CD82: variants seen among roughly 807,000 people sequenced by gnomAD.
CD82 encodes CD82 molecule, also known as CD82 antigen.
Under a neutral mutation model 37.4 loss-of-function variants are expected in CD82, and 36 were observed. The observed-to-expected ratio is 0.96, with a 90% CI of 0.74 to 1.27. CD82 has a LOEUF of 1.27. CD82 is among the 50% of genes most tolerant of loss of function. The pLI, the probability that CD82 is intolerant of heterozygous loss-of-function variation, is 0.00. For missense variants in CD82, 340 were observed against 347.0 expected (o/e 0.98, Z 0.16); for synonymous variants, 158 against 137.4 (o/e 1.15, Z -1.05).
chr11:44,584,860 C>T (rs1760744465), intron 1 of CD82, among the ~76,000 whole-genome samples: 1 of 152,232 alleles, frequency 6.6e-6, no homozygotes, highest in South Asian at 2.1e-4. Flanking sequence ...CGTGGGTGAT[C>T]AGGACAAAGT....
intron 3 of CD82, chr11:44,594,998 A>T: frequency 2.0e-6 from 1 of 490,540 alleles, no homozygotes. Flanking sequence ...GGGTATGGGG[A>T]AGGAGAGGAG....
chr11:44,618,437 A>ATTCCTTCCTGCATTTAG, intron 8 of CD82, 72 bp downstream of exon 8: 1 of 1,341,664 alleles, frequency 7.5e-7, no homozygotes, highest in Non-Finnish European at 1.1e-6. Context: ...CTGCTCAGCA[A>ATTCCTTCCTGCATTTAG]TTCCTTCCTG....
intron 6 of CD82, among the ~76,000 whole-genome samples, chr11:44,610,678 A>G (rs1228422601): frequency 1.3e-5 from 2 of 152,088 alleles, no homozygotes; most frequent in African/African-American, 2.4e-5. Context: ...GCTGCTTTCT[A>G]TCTATGTGAT....
intron 3 of CD82, among the ~76,000 whole-genome samples, chr11:44,599,928 A>AG (rs969151364): frequency 6.6e-6 from 1 of 152,208 alleles, no homozygotes; most frequent in South Asian, 2.1e-4. Flanking sequence ...CACATGGTGG[A>AG]GGGGGGCAAG....
Position 44,619,230 on chromosome 11 carries a change from C to G in CD82, c.*104C>G, listed in dbSNP as rs916792094. The G allele has an allele frequency of 1.5e-5, 14 of 904,462 alleles. No individual in the cohort carries two copies. The highest frequency in any genetic ancestry group is 3.5e-5 in the Admixed American group (2 of 56,842). The allele number at this position is 904,462 out of a possible 1,614,324, so 56.0% of individuals were successfully genotyped here. A position where few individuals can be genotyped will look rare whatever the true frequency, so the allele number is the denominator to read the frequency against. On this transcript the variant is annotated 3_prime_UTR_variant, in exon 10 of 10. Coordinates refer to ENST00000227155, the MANE Select transcript of CD82 (RefSeq NM_002231.4). ...CCTGCCTCCCACTTCACTGCGAAGA[C>G]CCTCTTGCCCATCCTGACTGAAAGT...
chr11:44,618,284 T>C lies in CD82; in HGVS notation c.561T>C (p.Ser187=), dbSNP rs1247896044. The change falls in exon 8 of 10, where the codon TCT becomes TCC. Residue 187 remains serine, a synonymous_variant. Transcript: ENST00000227155. ...AGGGGGAAGAGGACAACAGCCTTTCTGTGAGGAAGGGCTTCTGCGAGGCCC... is the reference window on the plus strand; with the variant it reads ...AGGGGGAAGAGGACAACAGCCTTTCCGTGAGGAAGGGCTTCTGCGAGGCCC... ...EVKGEEDNSL[S]VRKGFCEAPG... is the part of the protein sequence containing the mutation. 1.2e-6 allele frequency: 2 copies of C among 1,614,032 alleles called. No individual in the cohort carries two copies. The highest frequency in any genetic ancestry group is 2.2e-5 in the South Asian group (2 of 91,078).
rs917112405 is a variant in CD82 at position 44,615,473 on chromosome 11, G to A, written c.438+100G>A. 49 of 739,440 alleles carry A rather than the reference G, an allele frequency of 6.6e-5. 1 individual carries two copies. Among genetic ancestry groups the A allele is most frequent in the South Asian group, 2.4e-4 (15 of 63,662 alleles). The allele number at this position is 739,440 out of a possible 1,614,324, so 45.8% of individuals were successfully genotyped here. A position where few individuals can be genotyped will look rare whatever the true frequency, so the allele number is the denominator to read the frequency against. Reference sequence around the variant, plus strand: ...TCTGGGACTGGCATCTGCAGTGCTCGTGTGTGCCTGACAGTTTGTAGGAGA... The same window carrying A: ...TCTGGGACTGGCATCTGCAGTGCTCATGTGTGCCTGACAGTTTGTAGGAGA... On this transcript the variant is annotated intron_variant, in intron 7 of 9. Coordinates refer to ENST00000227155, the MANE Select transcript of CD82 (RefSeq NM_002231.4).
intron 2 of CD82, among the ~76,000 whole-genome samples, chr11:44,594,036 G>A (rs1371096893): frequency 3.3e-5 from 5 of 151,946 alleles, no homozygotes; most frequent in Admixed American, 2.0e-4. Flanking sequence ...CTACTAAAAC[G>A]ATGACAGTTT....
At position 44,578,110 on chromosome 11, in the gene CD82, G is replaced by A. The variant is rs376284990; in HGVS notation, c.-102-9365G>A. 3.6e-4 allele frequency among the ~76,000 whole-genome samples: 55 copies of A among 152,090 alleles called. 1 individual carries two copies. In the East Asian group the frequency reaches 9.1e-3, roughly 25 times the overall value. On this transcript the variant is annotated intron_variant, in intron 1 of 9. Coordinates refer to ENST00000227155, the MANE Select transcript of CD82 (RefSeq NM_002231.4). Reference sequence around the variant, plus strand: ...GGAGACCAGGGGATGGGGCCCAGGCGACCTGAGGGCGGCCTCCCAGGAGGC... The same window carrying A: ...GGAGACCAGGGGATGGGGCCCAGGCAACCTGAGGGCGGCCTCCCAGGAGGC...
At chr11:44,572,630 A>G (rs1852830087) in intron 1 of CD82, among the ~76,000 whole-genome samples, 1 of 152,208 alleles carries the variant, frequency 6.6e-6, no homozygotes, top group Admixed American at 6.5e-5. Context: ...CAAGAGTTAG[A>G]TATGAATAGG....
In CD82 at chr11:44,600,186, G is replaced by A. The variant is rs1853287499; in HGVS notation, c.92G>A (p.Gly31Glu). 3.7e-6 allele frequency: 6 copies of A among 1,614,000 alleles called. No homozygotes were observed. Among genetic ancestry groups the A allele is most frequent in the Admixed American group, 1.7e-5 (1 of 59,992 alleles). The change falls in exon 4 of 10, where the codon GGG becomes GAG. Residue 31 changes from glycine (G) to glutamate (E), a missense_variant. Coordinates refer to ENST00000227155, the MANE Select transcript of CD82 (RefSeq NM_002231.4). ...CTGGGCGCAGTGATCCTGGGCTTCG[G>A]GGTGTGGATCCTGGCCGACAAGAGC... is the stretch of plus-strand genomic sequence containing the variant. ...FILGAVILGF[G>E]VWILADKSSF...
chr11:44,587,472 C>G lies in CD82; in HGVS notation c.-102-3C>G, dbSNP rs1424444136. 2.2e-6 allele frequency: 1 copy of G among 456,312 alleles called. No homozygotes were observed. The highest frequency in any genetic ancestry group is 1.5e-5 in the South Asian group (1 of 64,576). 28.3% of individuals were successfully genotyped at this position (456,312 alleles called of 1,614,324 possible). Reference sequence around the variant, plus strand: ...GTGACGAGATCTGGGTCGTGTTTTTCAGAGTCCTCCCTGCTGCTGTGTGGA... The same window carrying G: ...GTGACGAGATCTGGGTCGTGTTTTTGAGAGTCCTCCCTGCTGCTGTGTGGA... On this transcript the variant is annotated splice_region_variant and splice_polypyrimidine_tract_variant and intron_variant, in intron 1 of 9. Coordinates refer to ENST00000227155, the MANE Select transcript of CD82 (RefSeq NM_002231.4).
intron 6 of CD82, chr11:44,608,065 A>G (rs981845057): frequency 6.6e-6 from 1 of 152,200 alleles, no homozygotes; most frequent in Non-Finnish European, 1.5e-5. Context: ...TTGCTGAAGA[A>G]GTTCTGGTGC....
intron 1 of CD82, among the ~76,000 whole-genome samples, chr11:44,575,938 G>A (rs191348632): frequency 7.9e-5 from 12 of 152,286 alleles, no homozygotes; most frequent in Non-Finnish European, 7.4e-5. Context: ...GCGCTGTCAC[G>A]TTCCCCACCT....
upstream of CD82, among the ~76,000 whole-genome samples, chr11:44,565,212 G>T (rs889732990): frequency 6.6e-6 from 1 of 152,232 alleles, no homozygotes; most frequent in African/African-American, 2.4e-5. Context: ...GGTGCGGGGA[G>T]GGGCGTGGCC....
chr11:44,603,822 G>T (rs1178745732), intron 4 of CD82, among the ~76,000 whole-genome samples: 2 of 152,162 alleles, frequency 1.3e-5, no homozygotes, highest in Non-Finnish European at 2.9e-5. Flanking sequence ...TCTAAAGAGG[G>T]TCTTAGCCAT....
Position 44,600,111 on chromosome 11 carries a change from G to A in CD82, c.64-47G>A, listed in dbSNP as rs888871804. 3.0e-5 allele frequency: 48 copies of A among 1,587,028 alleles called. 1 individual carries two copies. The highest frequency in any genetic ancestry group is 3.5e-5 in the Non-Finnish European group (41 of 1,155,656). ...TTCCAGGGACAGCTGGCAGGGGGAG[G>A]GCTATCTGCTCTTGGCTCCCCATTA... is the stretch of plus-strand genomic sequence containing the variant. On this transcript the variant is annotated intron_variant, in intron 3 of 9. Transcript: ENST00000227155.
At position 44,566,707 on chromosome 11, in the gene CD82, G is replaced by A. The variant is rs76166912; in HGVS notation, c.-103+971G>A. On this transcript the variant is annotated intron_variant, in intron 1 of 9. Coordinates refer to ENST00000227155, the MANE Select transcript of CD82 (RefSeq NM_002231.4). ...ATGTGTATACACTACTTAGCAAGGT[G>A]CCAGGAAACCAGTGAGACCTCCCTC... 6.1e-3 allele frequency among the ~76,000 whole-genome samples: 931 copies of A among 152,316 alleles called. 9 individuals carry two copies. The highest frequency in any genetic ancestry group is 0.021 in the African/African-American group (891 of 41,568).
intron 1 of CD82, among the ~76,000 whole-genome samples, chr11:44,573,624 C>G (rs959424440): frequency 6.6e-6 from 1 of 152,246 alleles, no homozygotes. Context: ...CTGCCCCACA[C>G]CCTCTCCTGG....
Sources: allele counts gnomAD v4.1 joint callset (sites outside exome capture counted in the v4.1 genomes callset), GRCh38; gene constraint gnomAD v4.1.1; transcripts MANE v1.5; gene names NCBI Gene and HGNC (gene_info 2026-07-23, HGNC 2026-07-21).